IRAG1: variants seen among roughly 807,000 people sequenced by gnomAD.
IRAG1 encodes IP3R-associated cGMP kinase substrate.
IRAG1 carries 62 observed loss-of-function variants against 106.2 expected under a neutral mutation model. The observed-to-expected ratio is 0.58, with a 90% CI of 0.48 to 0.72. The LOEUF (loss-of-function observed/expected upper bound fraction) is 0.72, where lower values mean the gene tolerates loss of function less well. IRAG1 is among the 30% of genes least tolerant of loss of function. The probability of loss-of-function intolerance (pLI) is 0.00; values close to 1 mark genes in which losing one functional copy is unlikely to be tolerated. For missense variants in IRAG1, 1,064 were observed against 1,140.7 expected (o/e 0.93, Z 0.97); for synonymous variants, 462 against 443.9 (o/e 1.04, Z -0.51).
chr11:10,629,652 C>T lies in IRAG1; in HGVS notation c.460G>A (p.Glu154Lys). ...NDQLPDISIS[E>K]EDKKKNLALL... The stretch of plus-strand genomic sequence containing the variant: ...GCCAGGTTTTTCTTCTTGTCCTCCT[C>T]TGAGATGCTGATGTCTGGCAGCTGG... The change falls in exon 5 of 21, where the codon GAG (glutamate) becomes AAG (lysine). Residue 154 changes from glutamate (E) to lysine (K), a missense_variant. Glu to Lys is a moderately conservative substitution (Grantham distance 56). Transcript: ENST00000423302. 6.2e-7 allele frequency: 1 copy of T among 1,613,934 alleles called. No homozygotes were observed. Among genetic ancestry groups the T allele is most frequent in the Non-Finnish European group, 8.5e-7 (1 of 1,179,862 alleles).
At position 10,676,443 on chromosome 11, in the gene IRAG1, G is replaced by A. The variant is rs912059050; in HGVS notation, c.67+17093C>T. 6.6e-5 allele frequency among the ~76,000 whole-genome samples: 10 copies of A among 152,210 alleles called. 1 individual carries two copies. On this transcript the variant is annotated intron_variant, in intron 1 of 20. Transcript: ENST00000423302. ...TGGGATGGGGGTGGTTGACCCCACT[G>A]TGGGATTGGAGCTATGACACTGGAC...
intron 4 of IRAG1, chr11:10,629,917 C>T (rs558989570): frequency 4.4e-4 from 245 of 554,704 alleles, no homozygotes; most frequent in Non-Finnish European, 7.2e-4. Flanking sequence ...GGCCTGTGGT[C>T]CTCCGTCACA....
At chr11:10,674,375 G>C (rs950750170) in intron 1 of IRAG1, among the ~76,000 whole-genome samples, 5 of 152,184 alleles carry the variant, frequency 3.3e-5, no homozygotes, top group Middle Eastern at 3.2e-3. Flanking sequence ...AAATAAACGG[G>C]TTTTTACAAG....
chr11:10,652,481 T>C, intron 1 of IRAG1: 1 of 589,012 alleles, frequency 1.7e-6, no homozygotes, highest in Non-Finnish European at 2.7e-6. Flanking sequence ...TAATGGAAGA[T>C]ACTCCATTGA....
rs1407728319 is a variant in IRAG1, at chr11:10,573,356, C to T, written c.*2976G>A. On this transcript the variant is annotated 3_prime_UTR_variant, in exon 21 of 21. Coordinates refer to ENST00000423302, the MANE Select transcript of IRAG1 (RefSeq NM_130385.4). Reference sequence around the variant, plus strand: ...CACTCTGCAACTGAAGGCAGGGAACCAGACTCCTAGGGCTAAGCAGAGATG... The same window carrying T: ...CACTCTGCAACTGAAGGCAGGGAACTAGACTCCTAGGGCTAAGCAGAGATG... 1 of 152,214 alleles carries T rather than the reference C, an allele frequency of 6.6e-6. No individual in the cohort carries two copies. The highest frequency in any genetic ancestry group is 2.4e-5 in the African/African-American group (1 of 41,438). 9.4% of individuals were successfully genotyped at this position (152,214 alleles called of 1,614,324 possible). A position where few individuals can be genotyped will look rare whatever the true frequency, so the allele number is the denominator to read the frequency against.
chr11:10,682,034 C>G (rs902347066), intron 1 of IRAG1, among the ~76,000 whole-genome samples: 1 of 152,188 alleles, frequency 6.6e-6, no homozygotes, highest in Non-Finnish European at 1.5e-5. Context: ...GGCTCTGCCA[C>G]TTTCTAGCTG....
intron 2 of IRAG1, among the ~76,000 whole-genome samples, chr11:10,645,714 A>G (rs1220077440): frequency 6.6e-6 from 1 of 152,110 alleles, no homozygotes; most frequent in East Asian, 1.9e-4. Flanking sequence ...TCATCACTTT[A>G]TATATATTAT....
intron 18 of IRAG1, among the ~76,000 whole-genome samples, chr11:10,584,670 A>G (rs1427028190): frequency 6.6e-6 from 1 of 150,480 alleles, no homozygotes; most frequent in African/African-American, 2.4e-5. Context: ...TGCGTGAAGG[A>G]GGACAGTGTA....
chr11:10,612,984 G>C (rs1855093513), intron 10 of IRAG1, among the ~76,000 whole-genome samples: 1 of 152,156 alleles, frequency 6.6e-6, no homozygotes, highest in Non-Finnish European at 1.5e-5. Flanking sequence ...GCTTCAAGCT[G>C]AATTAGAGGA....
At chr11:10,677,729 AC>A (rs1305648903) in intron 1 of IRAG1, among the ~76,000 whole-genome samples, 2 of 152,210 alleles carry the variant, frequency 1.3e-5, no homozygotes, top group African/African-American at 4.8e-5. Context: ...TAGTTCCAGA[AC>A]TTTTTCATCA....
chr11:10,656,676 T>C (rs1858952458), intron 1 of IRAG1, among the ~76,000 whole-genome samples: 1 of 152,208 alleles, frequency 6.6e-6, no homozygotes. Flanking sequence ...GGTTTTATTA[T>C]TTCCATTTAA....
intron 2 of IRAG1, 29 bp downstream of exon 2, chr11:10,651,996 C>T: frequency 6.5e-7 from 1 of 1,534,498 alleles, no homozygotes; most frequent in South Asian, 1.2e-5. Context: ...CCCAGCCAGG[C>T]TAGCTGAGGG....
At chr11:10,581,179 A>T (rs1851352805) in intron 19 of IRAG1, among the ~76,000 whole-genome samples, 1 of 152,132 alleles carries the variant, frequency 6.6e-6, no homozygotes, top group Non-Finnish European at 1.5e-5. Context: ...TACTCTGTTC[A>T]CTTGTCCTAT....
chr11:10,580,397 A>G (rs1373628276), intron 20 of IRAG1, 58 bp downstream of exon 20: 1 of 1,575,978 alleles, frequency 6.3e-7, no homozygotes, highest in Non-Finnish European at 8.6e-7. Context: ...CATTTAAATT[A>G]GATGAATTGT....
At position 10,597,617 on chromosome 11, in the gene IRAG1, A is replaced by G. The variant is rs1853475560; in HGVS notation, c.2017+3301T>C. ...AGCGATCCTTTCACCTTGGCCTCCC[A>G]AAGTGTTAGGATTACAGACGTGAGC... On this transcript the variant is annotated intron_variant, in intron 15 of 20. Coordinates refer to ENST00000423302, the MANE Select transcript of IRAG1 (RefSeq NM_130385.4). 3.9e-5 allele frequency among the ~76,000 whole-genome samples: 6 copies of G among 152,262 alleles called. No homozygotes were observed. In the South Asian group the frequency reaches 1.2e-3, roughly 32 times the overall value.
At chr11:10,663,054 C>A (rs1337081280) in intron 1 of IRAG1, among the ~76,000 whole-genome samples, 1 of 152,094 alleles carries the variant, frequency 6.6e-6, no homozygotes, top group Non-Finnish European at 1.5e-5. Context: ...AGGATGGGAG[C>A]AAGGATGGAT....
intron 9 of IRAG1, among the ~76,000 whole-genome samples, chr11:10,625,580 T>A (rs1289594402): frequency 6.6e-6 from 1 of 152,048 alleles, no homozygotes; most frequent in East Asian, 1.9e-4. Context: ...TGCTAGCTAA[T>A]CCTAGGCATG....
intron 11 of IRAG1, among the ~76,000 whole-genome samples, chr11:10,608,052 T>C (rs887449200): frequency 6.6e-6 from 1 of 152,208 alleles, no homozygotes; most frequent in Non-Finnish European, 1.5e-5. Context: ...AAACCAAACA[T>C]TTTTCTATTT....
chr11:10,633,176 G>C (rs536499008), intron 3 of IRAG1, among the ~76,000 whole-genome samples: 1 of 149,336 alleles, frequency 6.7e-6, no homozygotes, highest in Non-Finnish European at 1.5e-5. Flanking sequence ...CCGGGTTCAC[G>C]CCATTCTCCT....
Sources: allele counts gnomAD v4.1 joint callset (sites outside exome capture counted in the v4.1 genomes callset), GRCh38; gene constraint gnomAD v4.1.1; transcripts MANE v1.5; gene names NCBI Gene and HGNC (gene_info 2026-07-23, HGNC 2026-07-21).